Variants in SLC44A5 observed in about 807,000 individuals in gnomAD.
SLC44A5 encodes choline transporter-like protein 5.
In SLC44A5, 57 loss-of-function variants were observed where a neutral mutation model predicts 101.8. That is an observed-to-expected ratio of 0.56 (90% CI 0.45 to 0.70). The LOEUF is 0.70. SLC44A5 is among the 30% of genes least tolerant of loss of function. SLC44A5 has a pLI of 0.00. For synonymous variants in SLC44A5, 281 were observed against 290.9 expected (o/e 0.97, Z 0.35); for missense variants, 737 against 853.1 (o/e 0.86, Z 1.70).
intron 2 of SLC44A5, among the ~76,000 whole-genome samples, chr1:75,529,251 T>A (rs796231468): frequency 3.3e-5 from 5 of 152,200 alleles, no homozygotes; most frequent in Admixed American, 2.6e-4. Context: ...AAATAAGAAC[T>A]GGCAACCCTT....
intron 7 of SLC44A5, among the ~76,000 whole-genome samples, chr1:75,244,087 T>C (rs1380614399): frequency 9.2e-5 from 14 of 152,096 alleles, no homozygotes; most frequent in Non-Finnish European, 1.6e-4. Context: ...TGGCTCCATG[T>C]TTCTTGTACA....
chr1:75,491,547 A>G lies in SLC44A5; in HGVS notation c.13+49888T>C, dbSNP rs138491077. Among the ~76,000 whole-genome samples the G allele has an allele frequency of 5.8e-3, 881 of 152,292 alleles. 3 individuals are homozygous for G. The highest frequency in any genetic ancestry group is 0.02 in the African/African-American group (844 of 41,552). Reference sequence around the variant, plus strand: ...ATGTATAAAATCACAAAGGTGAGATAAAATATTGGATAAAAATAAATGAAT... The same window carrying G: ...ATGTATAAAATCACAAAGGTGAGATGAAATATTGGATAAAAATAAATGAAT... On this transcript the variant is annotated intron_variant, in intron 2 of 23. Coordinates refer to ENST00000370859, the MANE Select transcript of SLC44A5 (RefSeq NM_001130058.2).
chr1:75,459,115 C>G (rs944030538), intron 2 of SLC44A5, among the ~76,000 whole-genome samples: 1 of 151,962 alleles, frequency 6.6e-6, no homozygotes, highest in East Asian at 1.9e-4. Flanking sequence ...TTCTTTTTGG[C>G]CCAAGGATAG....
intron 3 of SLC44A5, among the ~76,000 whole-genome samples, chr1:75,362,449 G>C (rs1469419164): frequency 2.6e-5 from 4 of 151,716 alleles, no homozygotes; most frequent in Non-Finnish European, 5.9e-5. Context: ...TTTTAGAACT[G>C]TTTCTGGGGC....
At chr1:75,300,014 C>CAAAAAAAAAAAAAAAAAAAAA (rs35608663) in intron 5 of SLC44A5, among the ~76,000 whole-genome samples, 24 of 93,776 alleles carry the variant, frequency 2.6e-4, no homozygotes, top group African/African-American at 1.2e-3. Context: ...GACTCTGTCT[C>CAAAAAAAAAAAAAAAAAAAAA]AAAAAAAAAA....
At chr1:75,479,564 G>T (rs571205380) in intron 2 of SLC44A5, among the ~76,000 whole-genome samples, 64 of 152,254 alleles carry the variant, frequency 4.2e-4, no homozygotes, top group African/African-American at 1.4e-3. Context: ...AATGATAAAG[G>T]GGATATCACC....
the SLC44A5 span, among the ~76,000 whole-genome samples, chr1:75,632,621 T>C: frequency 6.6e-6 from 1 of 152,102 alleles, no homozygotes; most frequent in Non-Finnish European, 1.5e-5. Flanking sequence ...TCCATGCTCC[T>C]GAAATTGTTT....
intron 2 of SLC44A5, among the ~76,000 whole-genome samples, chr1:75,444,691 C>G (rs1665444954): frequency 6.6e-6 from 1 of 151,424 alleles, no homozygotes. Context: ...ATTATAAGAA[C>G]AGAGTTCTTG....
At chr1:75,521,458 T>C (rs1670120402) in intron 2 of SLC44A5, 1 of 152,214 alleles carries the variant, frequency 6.6e-6, no homozygotes, top group Non-Finnish European at 1.5e-5. Context: ...CTGACTTGCC[T>C]CTTGAGATCA....
chr1:75,523,122 G>A (rs1670228854), intron 2 of SLC44A5, among the ~76,000 whole-genome samples: 1 of 152,056 alleles, frequency 6.6e-6, no homozygotes, highest in Non-Finnish European at 1.5e-5. Flanking sequence ...AACTACCATG[G>A]TAGTTCCCAA....
At chr1:75,578,469 T>G (rs1054858923) in intron 1 of SLC44A5, among the ~76,000 whole-genome samples, 1 of 152,142 alleles carries the variant, frequency 6.6e-6, no homozygotes, top group African/African-American at 2.4e-5. Flanking sequence ...TACTATTCAG[T>G]CTTATAAAAA....
Position 75,251,224 on chromosome 1 carries a change from A to G in SLC44A5, c.331T>C (p.Cys111Arg). The change falls in exon 7 of 24, where the codon TGC (cysteine) becomes CGC (arginine). Residue 111 changes from cysteine (C) to arginine (R), a missense_variant. Coordinates refer to ENST00000370859, the MANE Select transcript of SLC44A5 (RefSeq NM_001130058.2). ...TTTTGCCTTACCTGTGTGGTAGGGC[A>G]CTGTAGGTTTAGCAACACGGAGGGA... ...TSPSVLLNLQ[C>R]PTTQICVSKC... 6.2e-7 allele frequency: 1 copy of G among 1,613,094 alleles called. No homozygotes were observed. Among genetic ancestry groups the G allele is most frequent in the Non-Finnish European group, 8.5e-7 (1 of 1,179,152 alleles).
chr1:75,565,090 C>T (rs182023060), intron 1 of SLC44A5, among the ~76,000 whole-genome samples: 261 of 152,158 alleles, frequency 1.7e-3, no homozygotes, highest in African/African-American at 6.1e-3. Flanking sequence ...AGTTGTTGAC[C>T]ATTACAAACA....
At chr1:75,500,754 G>A (rs1345178070) in intron 2 of SLC44A5, among the ~76,000 whole-genome samples, 1 of 152,052 alleles carries the variant, frequency 6.6e-6, no homozygotes, top group Admixed American at 6.6e-5. Context: ...AGTTACTTTG[G>A]TGAAAGAACC....
chr1:75,301,558 T>A (rs1654450662), intron 4 of SLC44A5, among the ~76,000 whole-genome samples: 1 of 152,182 alleles, frequency 6.6e-6, no homozygotes, highest in Non-Finnish European at 1.5e-5. Context: ...TAGTAAAAGT[T>A]ATTGATCTTG....
chr1:75,501,657 G>A (rs1339808257), intron 2 of SLC44A5, among the ~76,000 whole-genome samples: 1 of 152,128 alleles, frequency 6.6e-6, no homozygotes, highest in Non-Finnish European at 1.5e-5. Context: ...GCCAAGGAGA[G>A]TTTATGTTGG....
chr1:75,212,038 T>C (rs527449491), intron 22 of SLC44A5, among the ~76,000 whole-genome samples: 71 of 152,262 alleles, frequency 4.7e-4, no homozygotes, highest in African/African-American at 1.7e-3. Flanking sequence ...CCAGGGACTC[T>C]TGCCACATGC....
At chr1:75,352,131 A>G (rs577529788) in intron 3 of SLC44A5, among the ~76,000 whole-genome samples, 1 of 152,102 alleles carries the variant, frequency 6.6e-6, no homozygotes, top group African/African-American at 2.4e-5. Flanking sequence ...GAAGGAAAAA[A>G]CAAAGATAAA....
intron 4 of SLC44A5, among the ~76,000 whole-genome samples, chr1:75,335,567 A>G (rs1331796384): frequency 2.0e-5 from 3 of 152,150 alleles, no homozygotes; most frequent in Non-Finnish European, 2.9e-5. Context: ...CCTCTCATCA[A>G]TTTGACTTGG....
Sources: gnomAD v4.1 joint callset for allele counts (sites outside exome capture counted in the v4.1 genomes callset) on GRCh38, gnomAD v4.1.1 for gene constraint, MANE v1.5 for transcripts, NCBI Gene and HGNC (gene_info 2026-07-23, HGNC 2026-07-21) for gene names.